The following CAMK2A variants were observed in gnomAD, a reference collection of about 807,000 sequenced individuals.
CAMK2A encodes the protein calcium/calmodulin dependent protein kinase II alpha.
CAMK2A carries 7 observed loss-of-function variants against 79.2 expected under a neutral mutation model. The ratio of observed to expected loss-of-function variants is 0.09; its 90% CI spans 0.05 to 0.17. The LOEUF (loss-of-function observed/expected upper bound fraction) is 0.17. CAMK2A is among the 10% of genes least tolerant of loss of function. CAMK2A has a pLI of 1.00. For missense variants in CAMK2A, 214 were observed against 646.4 expected, an observed-to-expected ratio of 0.33 and a Z score of 7.25; for synonymous variants, 242 against 251.7, an observed-to-expected ratio of 0.96 and a Z score of 0.36.
rs1404039446 is a variant in CAMK2A at position 150,223,820 on chromosome 5, A to AT, written c.1238-604dup. ...CTGAATTTTTATATGAAAACTCTTCATTTTTTAGTATTGGCATCTAATTCA... is the reference window on the plus strand; with the variant it reads ...CTGAATTTTTATATGAAAACTCTTCATTTTTTTAGTATTGGCATCTAATTCA... On this transcript the variant is annotated intron_variant, in intron 17 of 18. Coordinates refer to ENST00000671881, the MANE Select transcript of CAMK2A (RefSeq NM_015981.4). The surrounding 1 kb of genome is among the most constrained non-coding windows in gnomAD (Gnocchi z 4.1). Among the ~76,000 whole-genome samples, 2 of 152,168 alleles carry AT rather than the reference A, an allele frequency of 1.3e-5. No homozygotes were observed. The highest frequency in any genetic ancestry group is 2.9e-5 in the Non-Finnish European group (2 of 68,028).
At chr5:150,225,073 A>AGAGAG (rs34247094) in intron 17 of CAMK2A, among the ~76,000 whole-genome samples, 2 of 138,134 alleles carry the variant, frequency 1.4e-5, no homozygotes, top group Admixed American at 7.3e-5. Flanking sequence ...AGAGAGAGAG[A>AGAGAG]AAGTGAGAGA....
chr5:150,274,251 T>A (rs921522213), intron 1 of CAMK2A, among the ~76,000 whole-genome samples: 1 of 152,220 alleles, frequency 6.6e-6, no homozygotes, highest in South Asian at 2.1e-4. Flanking sequence ...ATAAGAGAAC[T>A]TGGGGCAAGG....
At chr5:150,263,920 GT>G (rs1005085901) in intron 3 of CAMK2A, among the ~76,000 whole-genome samples, 40 of 152,336 alleles carry the variant, frequency 2.6e-4, no homozygotes, top group African/African-American at 9.6e-4. Context: ...TCTGGCTGCT[GT>G]TTGTGCAGGG....
chr5:150,277,571 T>C (rs1204015047), intron 1 of CAMK2A, among the ~76,000 whole-genome samples: 2 of 152,244 alleles, frequency 1.3e-5, no homozygotes, highest in African/African-American at 4.8e-5. Flanking sequence ...TTGTGTAAAT[T>C]AGAGGCTCCT....
At chr5:150,238,772 G>T in intron 14 of CAMK2A, 24 bp from the exon 15 acceptor site, 3 of 1,583,424 alleles carry the variant, frequency 1.9e-6, no homozygotes, top group Non-Finnish European at 2.6e-6. Context: ...TACAGGAGAT[G>T]GTGAGGCCTG....
chr5:150,282,229 C>T (rs911070521), intron 1 of CAMK2A, among the ~76,000 whole-genome samples: 1 of 152,182 alleles, frequency 6.6e-6, no homozygotes, highest in Non-Finnish European at 1.5e-5. Context: ...CCCCCAAACA[C>T]CAATCCAGCA....
At chr5:150,247,469 C>T (rs1192292548) in intron 12 of CAMK2A, among the ~76,000 whole-genome samples, 5 of 152,234 alleles carry the variant, frequency 3.3e-5, no homozygotes, top group Non-Finnish European at 5.9e-5. Context: ...GAACTCAATC[C>T]CCTGCAATCA....
intron 1 of CAMK2A, among the ~76,000 whole-genome samples, chr5:150,281,904 T>C (rs1482040528): frequency 6.6e-6 from 1 of 152,198 alleles, no homozygotes; most frequent in Non-Finnish European, 1.5e-5. Context: ...TTCTTTCCCA[T>C]TTAGGCATTA....
chr5:150,228,016 T>C (rs1754677597), intron 17 of CAMK2A, among the ~76,000 whole-genome samples, 176 bp downstream of exon 17: 1 of 152,100 alleles, frequency 6.6e-6, no homozygotes. Context: ...TGGTAGTTGA[T>C]GGGCCAGGGT....
rs1756898676 is a variant in CAMK2A, at chr5:150,275,178, G to C, written c.63-2019C>G. On this transcript the variant is annotated intron_variant, in intron 1 of 18. Coordinates refer to ENST00000671881, the MANE Select transcript of CAMK2A (RefSeq NM_015981.4). ...GGGCCAGAATTCATGGGCACACAGA[G>C]GGCCTCACACAGCTGTGGCTCCTCC... is the stretch of plus-strand genomic sequence containing the variant. Among the ~76,000 whole-genome samples the C allele has an allele frequency of 2.0e-5, 3 of 152,324 alleles. No homozygotes were observed. In the South Asian group the frequency reaches 6.2e-4, roughly 32 times the overall value.
intron 1 of CAMK2A, among the ~76,000 whole-genome samples, chr5:150,288,465 G>A (rs1469202323): frequency 1.3e-5 from 2 of 152,010 alleles, no homozygotes; most frequent in East Asian, 3.9e-4. Flanking sequence ...ACCCTGGCAG[G>A]GCACACCAGC....
intron 1 of CAMK2A, among the ~76,000 whole-genome samples, chr5:150,283,502 G>A (rs957247211): frequency 6.6e-6 from 1 of 152,146 alleles, no homozygotes; most frequent in African/African-American, 2.4e-5. Context: ...AGCCTCCCGA[G>A]TAGCTGGAAC....
At position 150,231,305 on chromosome 5, in the gene CAMK2A, G is replaced by C; in HGVS notation, c.1142C>G (p.Thr381Arg). The change falls in exon 16 of 19, where the codon ACG (threonine) becomes AGG (arginine). Residue 381 changes from threonine to arginine, a missense_variant and splice_region_variant. Around this residue, in one of 4 missense-constraint regions of CAMK2A, gnomAD observed 123 missense variants for 242.4 expected, o/e 0.51. Coordinates refer to ENST00000671881, the MANE Select transcript of CAMK2A (RefSeq NM_015981.4). Reference sequence around the variant, plus strand: ...TGCAGAATGAGCCCAGCTGACTCACGTGTAGGACTCAAAATCTCCATTGCT... The same window carrying C: ...TGCAGAATGAGCCCAGCTGACTCACCTGTAGGACTCAAAATCTCCATTGCT... ...AISNGDFESY[T>R]KMCDPGMTAF... is the part of the protein sequence containing the mutation. 1 of 1,576,360 alleles carries C rather than the reference G, an allele frequency of 6.3e-7. No homozygotes were observed. Among genetic ancestry groups the C allele is most frequent in the Admixed American group, 1.8e-5 (1 of 54,864 alleles).
intron 1 of CAMK2A, among the ~76,000 whole-genome samples, chr5:150,275,817 T>C (rs1282083815): frequency 6.9e-6 from 1 of 145,392 alleles, no homozygotes; most frequent in African/African-American, 2.6e-5. Flanking sequence ...TATGTGGATG[T>C]TTTCACCAAA....
intron 2 of CAMK2A, among the ~76,000 whole-genome samples, chr5:150,268,203 G>A (rs79848132): frequency 6.6e-6 from 1 of 152,032 alleles, no homozygotes; most frequent in African/African-American, 2.4e-5. Context: ...ATTAAATCCT[G>A]TCCCTCCTTG....
chr5:150,287,042 C>T (rs1239809409), intron 1 of CAMK2A, among the ~76,000 whole-genome samples: 1 of 152,206 alleles, frequency 6.6e-6, no homozygotes, highest in African/African-American at 2.4e-5. Context: ...TGAGGGACAG[C>T]GCCTGTGTCC....
At chr5:150,239,893 G>T (rs1755264362) in intron 13 of CAMK2A, among the ~76,000 whole-genome samples, 157 bp from the exon 14 acceptor site, 1 of 152,184 alleles carries the variant, frequency 6.6e-6, no homozygotes, top group Admixed American at 6.5e-5. Context: ...GAGTCAAGGA[G>T]TCAAGGCCAC....
At chr5:150,261,598 G>A (rs1351451509) in intron 3 of CAMK2A, among the ~76,000 whole-genome samples, 1 of 152,130 alleles carries the variant, frequency 6.6e-6, no homozygotes, top group Non-Finnish European at 1.5e-5. Flanking sequence ...TTCCGACAGT[G>A]GATTTTTTTC....
At chr5:150,265,614 C>T (rs1341519400) in intron 2 of CAMK2A, among the ~76,000 whole-genome samples, 1 of 152,052 alleles carries the variant, frequency 6.6e-6, no homozygotes, top group African/African-American at 2.4e-5. Context: ...CTGACATCTA[C>T]CCAAACACCT....
Sources: allele counts gnomAD v4.1 joint callset (sites outside exome capture counted in the v4.1 genomes callset), GRCh38; gene constraint gnomAD v4.1.1; regional missense constraint gnomAD v4.1.1; non-coding constraint Gnocchi (gnomAD v3.1); transcripts MANE v1.5; gene names NCBI Gene and HGNC (gene_info 2026-07-23, HGNC 2026-07-21).